Variants in NEBL observed in about 807,000 individuals in gnomAD.
The protein encoded by NEBL is nebulette, also known as LIM and SH3 protein 2.
A neutral mutation model predicts 140.2 loss-of-function variants in NEBL; 122 were observed. The observed-to-expected ratio is 0.87, with a 90% CI of 0.75 to 1.01. The LOEUF (loss-of-function observed/expected upper bound fraction) is 1.01. NEBL is among the 50% of genes least tolerant of loss of function. The pLI is 0.00. For missense variants in NEBL, 1,365 were observed against 1,231.3 expected, an observed-to-expected ratio of 1.11 and a Z score of -1.62; for synonymous variants, 436 against 398.9, an observed-to-expected ratio of 1.09 and a Z score of -1.11.
chr10:21,223,109 C>T (rs1029172869), intron 3 of NEBL, among the ~76,000 whole-genome samples: 10 of 152,174 alleles, frequency 6.6e-5, no homozygotes, highest in Non-Finnish European at 1.5e-4. Context: ...TGACTTTAGT[C>T]ACTCTGTTGT....
chr10:20,839,902 C>T (rs1429711090), intron 13 of NEBL, among the ~76,000 whole-genome samples: 1 of 152,096 alleles, frequency 6.6e-6, no homozygotes, highest in Non-Finnish European at 1.5e-5. Flanking sequence ...ATGGAGACAG[C>T]CTTCCAGAAG....
intron 2 of NEBL, among the ~76,000 whole-genome samples, chr10:21,099,116 G>C (rs1181299417): frequency 4.6e-5 from 7 of 152,152 alleles, no homozygotes. Context: ...CTGGGTAACA[G>C]AGAAAGACCC....
chr10:21,011,533 G>A (rs1203372676), intron 3 of NEBL, among the ~76,000 whole-genome samples: 1 of 152,194 alleles, frequency 6.6e-6, no homozygotes, highest in African/African-American at 2.4e-5. Flanking sequence ...AATGAAGGAA[G>A]AAGAAAGCCT....
intron 2 of NEBL, among the ~76,000 whole-genome samples, chr10:21,154,272 A>T (rs1840251871): frequency 6.6e-6 from 1 of 152,046 alleles, no homozygotes; most frequent in Non-Finnish European, 1.5e-5. Flanking sequence ...CAACCTGATC[A>T]ACATGGTGAA....
chr10:20,905,175 G>A (rs1260461062), intron 4 of NEBL, among the ~76,000 whole-genome samples: 1 of 152,168 alleles, frequency 6.6e-6, no homozygotes, highest in Admixed American at 6.5e-5. Flanking sequence ...TGAAAAACTA[G>A]ATGATTTGGC....
intron 2 of NEBL, among the ~76,000 whole-genome samples, chr10:21,108,149 G>T (rs893568209): frequency 6.6e-6 from 1 of 152,036 alleles, no homozygotes; most frequent in African/African-American, 2.4e-5. Context: ...GGGTTTTTAT[G>T]TCTCTATCTC....
At chr10:20,853,787 C>T (rs1159011332) in intron 9 of NEBL, among the ~76,000 whole-genome samples, 3 of 151,516 alleles carry the variant, frequency 2.0e-5, no homozygotes, top group East Asian at 1.9e-4. Context: ...GCAAAAATAC[C>T]GTTAGAGAGA....
chr10:20,985,812 C>T (rs1384018583), intron 3 of NEBL, among the ~76,000 whole-genome samples: 2 of 151,672 alleles, frequency 1.3e-5, no homozygotes, highest in Non-Finnish European at 2.9e-5. Context: ...TAAAAAAAAC[C>T]AGTGTGCATC....
chr10:21,201,966 G>A (rs533496313), intron 3 of NEBL, among the ~76,000 whole-genome samples: 2 of 152,160 alleles, frequency 1.3e-5, no homozygotes, highest in Non-Finnish European at 2.9e-5. Context: ...GTGGCTCCAC[G>A]CATTTCAACA....
At chr10:20,808,988 C>T (rs887750716) in intron 25 of NEBL, among the ~76,000 whole-genome samples, 1 of 152,138 alleles carries the variant, frequency 6.6e-6, no homozygotes, top group African/African-American at 2.4e-5. Flanking sequence ...TTTAAACTAT[C>T]ACCAGATATA....
intron 4 of NEBL, among the ~76,000 whole-genome samples, chr10:20,943,942 T>A (rs1328460280): frequency 6.6e-6 from 1 of 152,184 alleles, no homozygotes; most frequent in African/African-American, 2.4e-5. Flanking sequence ...AAATGACCTA[T>A]GCTAGTCAAT....
At chr10:21,136,192 T>C (rs1371826356) in intron 2 of NEBL, among the ~76,000 whole-genome samples, 2 of 152,212 alleles carry the variant, frequency 1.3e-5, no homozygotes, top group Admixed American at 6.5e-5. Context: ...GTGAGACTGA[T>C]ACAATCCAAG....
rs117258655 is a variant in NEBL at position 21,137,359 on chromosome 10, T to G, written c.164+35024A>C. Among the ~76,000 whole-genome samples the G allele has an allele frequency of 4.0e-3, 612 of 152,344 alleles. 14 individuals carry two copies. In the East Asian group the frequency reaches 0.058, roughly 14 times the overall value. The stretch of plus-strand genomic sequence containing the variant: ...GGTATTCAGTTAGCCACAGCTATTC[T>G]TGCATGCTTAGTCTTCATTGTTAAC... On this transcript the variant is annotated intron_variant, in intron 2 of 6. Coordinates refer to the NEBL transcript ENST00000417816.
At position 20,819,633 on chromosome 10, in the gene NEBL, C is replaced by T. The variant is rs539810448; in HGVS notation, c.1963-117G>A. The stretch of plus-strand genomic sequence containing the variant: ...ACAGAACATTCATTAATAAGATCAT[C>T]ATCAGGATTTCATAGTGAAATATGT... On this transcript the variant is annotated intron_variant, in intron 19 of 27. Transcript: ENST00000377122. 133 of 1,269,844 alleles carry T rather than the reference C, an allele frequency of 1.0e-4. 3 individuals are homozygous for T. In the South Asian group the frequency reaches 1.3e-3, roughly 13 times the overall value. The allele number at this position is 1,269,844 out of a possible 1,614,324, so 78.7% of individuals were successfully genotyped here. A position where few individuals can be genotyped will look rare whatever the true frequency, so the allele number is the denominator to read the frequency against.
chr10:20,980,981 G>T (rs1310643342), intron 3 of NEBL, among the ~76,000 whole-genome samples: 2 of 151,936 alleles, frequency 1.3e-5, no homozygotes, highest in Admixed American at 1.3e-4. Flanking sequence ...ATAGAGATGG[G>T]GCCTCACTAT....
chr10:20,975,931 CA>C (rs1393622773), intron 3 of NEBL, among the ~76,000 whole-genome samples: 28 of 152,148 alleles, frequency 1.8e-4, no homozygotes, highest in African/African-American at 6.0e-4. Flanking sequence ...CCTAATTAAT[CA>C]GAGGCCCTAC....
At chr10:20,882,360 A>T (rs1406450374) in intron 4 of NEBL, among the ~76,000 whole-genome samples, 1 of 151,902 alleles carries the variant, frequency 6.6e-6, no homozygotes, top group Non-Finnish European at 1.5e-5. Context: ...GGGAAGGGAA[A>T]GGGAAAGTAA....
At chr10:21,169,066 AAATATATATATATATATAT>A (rs1191886852) in intron 2 of NEBL, among the ~76,000 whole-genome samples, 16 of 50,924 alleles carry the variant, frequency 3.1e-4, no homozygotes, top group Admixed American at 1.2e-3. Context: ...AAAAAAAAAA[AAATATATATATATATATAT>A]ATATATATAT....
intron 26 of NEBL, among the ~76,000 whole-genome samples, chr10:20,792,996 G>GT (rs1367853541): frequency 6.6e-6 from 1 of 152,048 alleles, no homozygotes; most frequent in Non-Finnish European, 1.5e-5. Context: ...AGTCCACAAA[G>GT]TTTATATGCA....
Sources: allele counts gnomAD v4.1 joint callset (sites outside exome capture counted in the v4.1 genomes callset), GRCh38; gene constraint gnomAD v4.1.1; transcripts MANE v1.5; gene names NCBI Gene and HGNC (gene_info 2026-07-23, HGNC 2026-07-21).